The following REV3L variants were observed in gnomAD, a reference collection of about 807,000 sequenced individuals.
REV3L encodes the protein REV3 like, DNA directed polymerase zeta catalytic subunit, also known as DNA polymerase zeta catalytic subunit.
In REV3L, 69 loss-of-function variants were observed where a neutral mutation model predicts 299.4. The observed-to-expected ratio is 0.23, with a 90% CI of 0.19 to 0.28. REV3L has a LOEUF of 0.28. REV3L is among the 10% of genes least tolerant of loss of function. REV3L has a pLI of 1.00. For synonymous variants in REV3L, 1,238 were observed against 1,271.4 expected, an observed-to-expected ratio of 0.97 and a Z score of 0.56; for missense variants, 3,128 against 3,693.8, an observed-to-expected ratio of 0.85 and a Z score of 3.97.
chr6:111,481,428 C>G (rs1793624134), intron 1 of REV3L, among the ~76,000 whole-genome samples: 1 of 152,226 alleles, frequency 6.6e-6, no homozygotes, highest in Non-Finnish European at 1.5e-5. Context: ...AATTCCCCAT[C>G]TTTCAAGGTT....
chr6:111,394,301 T>C (rs1782244270), intron 4 of REV3L, among the ~76,000 whole-genome samples: 1 of 152,186 alleles, frequency 6.6e-6, no homozygotes, highest in East Asian at 1.9e-4. Flanking sequence ...CACCAGCATT[T>C]GTTGGTGTCT....
chr6:111,416,606 A>C, intron 1 of REV3L, 134 bp from the exon 2 acceptor site: 1 of 667,678 alleles, frequency 1.5e-6, no homozygotes, highest in South Asian at 2.0e-5. Context: ...ATTAACCCAT[A>C]GTTCAAAGTA....
At chr6:111,450,296 T>C (rs920629962) in intron 1 of REV3L, among the ~76,000 whole-genome samples, 5 of 151,666 alleles carry the variant, frequency 3.3e-5, no homozygotes, top group Non-Finnish European at 4.4e-5. Flanking sequence ...CTGGGCAACA[T>C]TGTGAGACCC....
At chr6:111,464,608 A>C (rs552242874) in intron 1 of REV3L, among the ~76,000 whole-genome samples, 1 of 151,904 alleles carries the variant, frequency 6.6e-6, no homozygotes, top group Non-Finnish European at 1.5e-5. Flanking sequence ...TGGAACTCTT[A>C]AGAGATAAGA....
At chr6:111,351,888 A>C (rs1265406963) in intron 18 of REV3L, 97 bp from the exon 19 acceptor site, 9 of 761,752 alleles carry the variant, frequency 1.2e-5, no homozygotes, top group African/African-American at 1.8e-5. Context: ...GAAAACAAAA[A>C]CCTATGTTCT....
Position 111,380,024 on chromosome 6 carries a change from T to C in REV3L, c.1412A>G (p.Gln471Arg). Reference protein sequence around the residue: ...EEMELSLVMSQRWDSNIEEHC... With the variant: ...EEMELSLVMSRRWDSNIEEHC... ...TTCTTCAATATTGCTGTCCCATCTC[T>C]GGGACATCACCAAACTAAGCTCCAT... is the stretch of plus-strand genomic sequence containing the variant. Residue 471 changes from glutamine (Q) to arginine (R), a missense_variant, in exon 11 of 32, where the codon CAG becomes CGG. Physicochemically the swap from Gln to Arg is conservative, Grantham distance 43. This residue lies in a region of REV3L where 2,409 missense variants were observed against 2,611.8 expected (regional missense o/e 0.92). Coordinates refer to ENST00000368802, the MANE Select transcript of REV3L (RefSeq NM_001372078.1). The C allele has an allele frequency of 6.2e-7, 1 of 1,614,096 alleles. No homozygotes were observed. The highest frequency in any genetic ancestry group is 1.1e-5 in the South Asian group (1 of 91,072).
chr6:111,394,216 A>G (rs1782233097), intron 4 of REV3L, among the ~76,000 whole-genome samples: 1 of 152,172 alleles, frequency 6.6e-6, no homozygotes, highest in Non-Finnish European at 1.5e-5. Context: ...AAACCTCCAT[A>G]CTGTTTTGCA....
At chr6:111,388,922 G>A (rs1562237848) in intron 7 of REV3L, among the ~76,000 whole-genome samples, 184 bp downstream of exon 7, 1 of 152,112 alleles carries the variant, frequency 6.6e-6, no homozygotes, top group African/African-American at 2.4e-5. Flanking sequence ...GATAATAAGC[G>A]ACAATTGGAG....
intron 1 of REV3L, among the ~76,000 whole-genome samples, chr6:111,424,988 T>C (rs1408446409): frequency 6.6e-6 from 1 of 152,184 alleles, no homozygotes; most frequent in Non-Finnish European, 1.5e-5. Context: ...TAAGCATGTG[T>C]AGGGCTATGT....
At chr6:111,320,625 T>A (rs943203413) in intron 26 of REV3L, among the ~76,000 whole-genome samples, 1 of 152,144 alleles carries the variant, frequency 6.6e-6, no homozygotes, top group Non-Finnish European at 1.5e-5. Context: ...TGTGAATTGC[T>A]CTCATACAGA....
At chr6:111,411,309 T>G (rs1660033013) in intron 3 of REV3L, among the ~76,000 whole-genome samples, 171 bp downstream of exon 3, 1 of 152,158 alleles carries the variant, frequency 6.6e-6, no homozygotes, top group Non-Finnish European at 1.5e-5. Context: ...CTCTAAAATA[T>G]CCTTCATAGA....
chr6:111,405,926 AAAT>A (rs1478949121), intron 3 of REV3L, among the ~76,000 whole-genome samples: 1 of 152,148 alleles, frequency 6.6e-6, no homozygotes, highest in East Asian at 1.9e-4. Flanking sequence ...TTTCTTTTAA[AAAT>A]AACAAATAAT....
At chr6:111,394,233 C>T (rs1473035050) in intron 4 of REV3L, among the ~76,000 whole-genome samples, 3 of 152,140 alleles carry the variant, frequency 2.0e-5, no homozygotes, top group Non-Finnish European at 4.4e-5. Flanking sequence ...TGCATAATGG[C>T]TGTACTAATT....
chr6:111,433,921 C>T (rs1025346446), intron 1 of REV3L, among the ~76,000 whole-genome samples: 1 of 152,166 alleles, frequency 6.6e-6, no homozygotes, highest in Non-Finnish European at 1.5e-5. Flanking sequence ...GAACATGATA[C>T]ATCAAATTAA....
At chr6:111,474,944 C>A (rs574074527) in intron 1 of REV3L, among the ~76,000 whole-genome samples, 1 of 151,748 alleles carries the variant, frequency 6.6e-6, no homozygotes, top group Non-Finnish European at 1.5e-5. Flanking sequence ...ATCAGACTCT[C>A]CCGTATCCTC....
rs2115079432 is a variant in REV3L, at chr6:111,374,594, C to A, written c.3761G>T (p.Ser1254Ile). 1.2e-6 allele frequency: 2 copies of A among 1,613,810 alleles called. No individual in the cohort carries two copies. The highest frequency in any genetic ancestry group is 1.7e-6 in the Non-Finnish European group (2 of 1,179,890). The change falls in exon 13 of 32, where the codon AGT (serine) becomes ATT (isoleucine). Residue 1254 changes from serine to isoleucine, a missense_variant. Transcript: ENST00000368802. Reference protein sequence around the residue: ...KHQNVSEFASSSGGSQLLFKQ... With the variant: ...KHQNVSEFASISGGSQLLFKQ... ...AAAAAGTAGTTGAGAGCCTCCAGAA[C>A]TACTTGCAAATTCAGACACATTCTG...
At chr6:111,383,228 C>T (rs1231523277) in intron 9 of REV3L, among the ~76,000 whole-genome samples, 6 of 152,166 alleles carry the variant, frequency 3.9e-5, no homozygotes, top group Non-Finnish European at 1.5e-5. Flanking sequence ...ACAAGGATGC[C>T]TAGTTTCACC....
At chr6:111,402,128 A>G (rs1338844228) in intron 4 of REV3L, among the ~76,000 whole-genome samples, 1 of 152,046 alleles carries the variant, frequency 6.6e-6, no homozygotes, top group East Asian at 1.9e-4. Flanking sequence ...AAAAAATAAT[A>G]AAAAATAAAA....
chr6:111,302,973 G>A (rs1771747380), intron 31 of REV3L, among the ~76,000 whole-genome samples: 1 of 152,064 alleles, frequency 6.6e-6, no homozygotes, highest in African/African-American at 2.4e-5. Flanking sequence ...ACAGTGTTAA[G>A]GTGATGAATT....
Sources: allele counts gnomAD v4.1 joint callset (sites outside exome capture counted in the v4.1 genomes callset), GRCh38; gene constraint gnomAD v4.1.1; regional missense constraint gnomAD v4.1.1; transcripts MANE v1.5; gene names NCBI Gene and HGNC (gene_info 2026-07-23, HGNC 2026-07-21).